MACROD1: variants seen among roughly 807,000 people sequenced by gnomAD.
MACROD1 encodes the protein ADP-ribose glycohydrolase MACROD1.
In MACROD1, 31 loss-of-function variants were observed where a neutral mutation model predicts 41.4. The ratio of observed to expected loss-of-function variants is 0.75; its 90% confidence interval spans 0.56 to 1.01. The LOEUF is 1.01. MACROD1 is among the 50% of genes least tolerant of loss of function. The pLI, the probability that MACROD1 is intolerant of heterozygous loss-of-function variation, is 0.00. For synonymous variants in MACROD1, 252 were observed against 203.4 expected (o/e 1.24, Z -2.03); for missense variants, 473 against 460.0 (o/e 1.03, Z -0.26).
chr11:64,162,115 G>A (rs908239079), intron 1 of MACROD1, among the ~76,000 whole-genome samples: 2 of 151,908 alleles, frequency 1.3e-5, no homozygotes, highest in East Asian at 1.9e-4. Context: ...GCCGAGGTGG[G>A]TAGATCGCTT....
At chr11:64,062,691 G>A (rs1223824021) in intron 3 of MACROD1, among the ~76,000 whole-genome samples, 1 of 152,212 alleles carries the variant, frequency 6.6e-6, no homozygotes, top group African/African-American at 2.4e-5. Flanking sequence ...CCAGAGTGCT[G>A]AAGGCTTCCA....
chr11:64,075,137 GA>G (rs1475973522), intron 3 of MACROD1, among the ~76,000 whole-genome samples: 3 of 152,232 alleles, frequency 2.0e-5, no homozygotes, highest in Non-Finnish European at 2.9e-5. Context: ...CTCACTTGGA[GA>G]AAACGGTTGG....
At position 64,036,492 on chromosome 11, in the gene MACROD1, C is replaced by T. The variant is rs940150081; in HGVS notation, c.518-21211G>A. On this transcript the variant is annotated intron_variant, in intron 3 of 10. Transcript: ENST00000255681. The surrounding 1 kb of genome is among the most constrained non-coding windows in gnomAD (Gnocchi z 5.6). ...TAGTCCAAGCCCTCGCTGCACCCCCCAGGGAGGGGGCCTGGCCCGTGGGGG... is the reference window on the plus strand; with the variant it reads ...TAGTCCAAGCCCTCGCTGCACCCCCTAGGGAGGGGGCCTGGCCCGTGGGGG... Among the ~76,000 whole-genome samples, 1 of 151,890 alleles carries T rather than the reference C, an allele frequency of 6.6e-6. No individual in the cohort carries two copies. The highest frequency in any genetic ancestry group is 2.1e-4 in the South Asian group (1 of 4,828).
At position 64,057,599 on chromosome 11, in the gene MACROD1, C is replaced by T. The variant is rs191856885; in HGVS notation, c.518-42318G>A. On this transcript the variant is annotated intron_variant, in intron 3 of 10. Coordinates refer to ENST00000255681, the MANE Select transcript of MACROD1 (RefSeq NM_014067.4). ...TGAGGCCATCTGGCTGGTCACTGCC[C>T]GAGCAGGACCTACACCCAAGGGCCT... Among the ~76,000 whole-genome samples the T allele has an allele frequency of 4.7e-3, 710 of 152,284 alleles. 6 individuals carry two copies. The highest frequency in any genetic ancestry group is 7.0e-3 in the Non-Finnish European group (477 of 68,014).
Position 64,165,937 on chromosome 11 carries a change from G to A in MACROD1, c.58C>T (p.Leu20=). 1.5e-6 allele frequency: 2 copies of A among 1,322,402 alleles called. No homozygotes were observed. Among genetic ancestry groups the A allele is most frequent in the East Asian group, 6.2e-5 (2 of 32,382 alleles). 81.9% of individuals were successfully genotyped at this position (1,322,402 alleles called of 1,614,324 possible). ...GGCCGGGGGCGCGGGGGGACGAGCA[G>A]CTGCCCCGCCGCGCGCAGCTGTGCC... ...RLAQLRAAGQ[L]LVPPRPRPGH... The change falls in exon 1 of 11, where the codon CTG becomes TTG. Residue 20 remains leucine (L), a synonymous_variant. Transcript: ENST00000255681.
chr11:64,105,627 G>A (rs898437541), intron 3 of MACROD1, among the ~76,000 whole-genome samples: 3 of 152,158 alleles, frequency 2.0e-5, no homozygotes, highest in Non-Finnish European at 4.4e-5. Flanking sequence ...CCACAGGCAT[G>A]AGTGACCCCA....
chr11:64,117,506 G>C, intron 3 of MACROD1: 1 of 1,609,062 alleles, frequency 6.2e-7, no homozygotes, highest in African/African-American at 1.3e-5. Flanking sequence ...TTACCCTCAA[G>C]GCCAAAAGGC....
Position 64,165,852 on chromosome 11 carries a change from A to G in MACROD1, c.143T>C (p.Leu48Pro). The stretch of plus-strand genomic sequence containing the variant: ...CCGCGCACGGCGGCCGAACACGCCC[A>G]GGAACGCCGGGGGACCGCACGTGCT... ...RSSTCGPPAF[L>P]GVFGRRARTS... is the part of the protein sequence containing the mutation. The change falls in exon 1 of 11, where the codon CTG becomes CCG. Residue 48 changes from leucine to proline, a missense_variant. Transcript: ENST00000255681. 1 of 1,468,468 alleles carries G rather than the reference A, an allele frequency of 6.8e-7. No homozygotes were observed. The highest frequency in any genetic ancestry group is 9.0e-7 in the Non-Finnish European group (1 of 1,111,656). The allele number at this position is 1,468,468 out of a possible 1,614,324, so 91.0% of individuals were successfully genotyped here.
chr11:64,031,401 G>A (rs1254836086), intron 3 of MACROD1, among the ~76,000 whole-genome samples: 1 of 152,048 alleles, frequency 6.6e-6, no homozygotes, highest in Non-Finnish European at 1.5e-5. Context: ...GCATAATGGT[G>A]GGAGGGGAGC....
intron 3 of MACROD1, among the ~76,000 whole-genome samples, chr11:64,016,571 C>T (rs909785258): frequency 2.6e-5 from 4 of 152,232 alleles, no homozygotes; most frequent in Admixed American, 1.3e-4. Flanking sequence ...ACGGCATGGA[C>T]GCTGCTAAGT....
At chr11:64,099,573 T>C (rs1198532801) in intron 3 of MACROD1, among the ~76,000 whole-genome samples, 1 of 148,560 alleles carries the variant, frequency 6.7e-6, no homozygotes, top group Non-Finnish European at 1.5e-5. Flanking sequence ...TAGAGGTGAA[T>C]AGATGGACTG....
intron 3 of MACROD1, among the ~76,000 whole-genome samples, chr11:64,029,488 C>A (rs913747283): frequency 6.6e-6 from 1 of 152,148 alleles, no homozygotes; most frequent in Non-Finnish European, 1.5e-5. Flanking sequence ...GCCACCCTCT[C>A]TTTGGATCAG....
chr11:64,062,417 CACCCTGGA>C (rs1943921976), intron 3 of MACROD1, among the ~76,000 whole-genome samples: 1 of 152,194 alleles, frequency 6.6e-6, no homozygotes, highest in African/African-American at 2.4e-5. Context: ...CCTCTGCCCA[CACCCTGGA>C]ACCAACTGGG....
chr11:64,085,932 T>C (rs748779027), intron 3 of MACROD1, among the ~76,000 whole-genome samples: 2 of 150,276 alleles, frequency 1.3e-5, no homozygotes, highest in Non-Finnish European at 3.0e-5. Flanking sequence ...AAGGGGAGGC[T>C]CAGGTGCCCT....
chr11:64,155,587 C>G (rs1166336673), intron 1 of MACROD1, among the ~76,000 whole-genome samples: 1 of 152,230 alleles, frequency 6.6e-6, no homozygotes, highest in Non-Finnish European at 1.5e-5. Flanking sequence ...CAGACACACT[C>G]ACTCCTTCCT....
chr11:64,008,303 T>C (rs543600318), intron 4 of MACROD1, among the ~76,000 whole-genome samples: 1 of 146,514 alleles, frequency 6.8e-6, no homozygotes, highest in African/African-American at 2.5e-5. Flanking sequence ...GGGAGAGCGC[T>C]CGGCTGGCCC....
intron 3 of MACROD1, among the ~76,000 whole-genome samples, chr11:64,129,290 C>A (rs1311287470): frequency 6.6e-6 from 1 of 152,250 alleles, no homozygotes; most frequent in Non-Finnish European, 1.5e-5. Context: ...TGCTACTCAT[C>A]CTCTCTGTGC....
At chr11:64,101,835 C>T (rs1944676357) in intron 3 of MACROD1, among the ~76,000 whole-genome samples, 1 of 152,172 alleles carries the variant, frequency 6.6e-6, no homozygotes, top group African/African-American at 2.4e-5. Context: ...GGCTTGCTGG[C>T]TCTGAAACCT....
At chr11:64,160,116 C>T (rs531105034) in intron 1 of MACROD1, among the ~76,000 whole-genome samples, 17 of 152,160 alleles carry the variant, frequency 1.1e-4, no homozygotes, top group African/African-American at 3.4e-4. Context: ...ACCGAGCAAA[C>T]GCCCGGGGAA....
Sources: allele counts gnomAD v4.1 joint callset (sites outside exome capture counted in the v4.1 genomes callset), GRCh38; gene constraint gnomAD v4.1.1; non-coding constraint Gnocchi (gnomAD v3.1); transcripts MANE v1.5; gene names NCBI Gene and HGNC (gene_info 2026-07-23, HGNC 2026-07-21).